HDAC9: variants seen among roughly 807,000 people sequenced by gnomAD.
The protein encoded by HDAC9 is MEF-2 interacting transcription repressor (MITR) protein.
Under a neutral mutation model 139.4 loss-of-function variants are expected in HDAC9, and 41 were observed. The ratio of observed to expected loss-of-function variants is 0.29; its 90% CI spans 0.23 to 0.38. HDAC9 has a LOEUF of 0.38. HDAC9 is among the 10% of genes least tolerant of loss of function. The probability of loss-of-function intolerance (pLI) is 1.00; values close to 1 mark genes in which losing one functional copy is unlikely to be tolerated. For missense variants in HDAC9, 1,147 were observed against 1,297.0 expected (o/e 0.88, Z 1.78); for synonymous variants, 517 against 476.2 (o/e 1.09, Z -1.12).
At chr7:18,786,022 G>A (rs780612638) in intron 16 of HDAC9, among the ~76,000 whole-genome samples, 1 of 152,062 alleles carries the variant, frequency 6.6e-6, no homozygotes, top group Non-Finnish European at 1.5e-5. Flanking sequence ...ACTTTATAGA[G>A]TAGGGAAGTA....
At chr7:18,890,754 T>C (rs975869757) in intron 22 of HDAC9, among the ~76,000 whole-genome samples, 1 of 152,190 alleles carries the variant, frequency 6.6e-6, no homozygotes, top group Non-Finnish European at 1.5e-5. Context: ...CAGTGTAACA[T>C]AGAAGTATTA....
chr7:18,576,077 A>G (rs1347077483), intron 2 of HDAC9, among the ~76,000 whole-genome samples: 3 of 152,230 alleles, frequency 2.0e-5, no homozygotes, highest in Non-Finnish European at 4.4e-5. Context: ...ATCTAGAGAA[A>G]TGTGTTGGTA....
intron 16 of HDAC9, among the ~76,000 whole-genome samples, chr7:18,779,666 C>T (rs752298611): frequency 1.2e-4 from 18 of 151,978 alleles, no homozygotes; most frequent in Non-Finnish European, 2.5e-4. Flanking sequence ...AAGCAAGGCT[C>T]CCACATGGTA....
At chr7:18,971,636 C>G (rs1199971781) in intron 24 of HDAC9, among the ~76,000 whole-genome samples, 1 of 152,158 alleles carries the variant, frequency 6.6e-6, no homozygotes, top group African/African-American at 2.4e-5. Context: ...AATTATTCTC[C>G]TCTATGAATA....
At chr7:18,343,503 G>A (rs2128664355) in intron 1 of HDAC9, among the ~76,000 whole-genome samples, 1 of 151,920 alleles carries the variant, frequency 6.6e-6, no homozygotes, top group Admixed American at 6.6e-5. Flanking sequence ...TGTATGGTGT[G>A]TTCAGCTCTG....
intron 1 of HDAC9, among the ~76,000 whole-genome samples, chr7:18,425,198 G>A (rs983762138): frequency 6.6e-6 from 1 of 152,274 alleles, no homozygotes; most frequent in African/African-American, 2.4e-5. Context: ...TTGTGTCCAA[G>A]TAGATTTTAA....
intron 25 of HDAC9, among the ~76,000 whole-genome samples, chr7:18,978,418 G>A (rs1032739729): frequency 6.6e-6 from 1 of 152,140 alleles, no homozygotes; most frequent in African/African-American, 2.4e-5. Flanking sequence ...ACAACACAGT[G>A]CAGATAGTCA....
At chr7:18,863,947 T>C (rs77748448) in intron 21 of HDAC9, among the ~76,000 whole-genome samples, 2 of 152,166 alleles carry the variant, frequency 1.3e-5, no homozygotes, top group African/African-American at 4.8e-5. Flanking sequence ...AGTACAAATA[T>C]CTCTTTGAGA....
intron 8 of HDAC9, 95 bp downstream of exon 8, chr7:18,634,837 AATG>A: frequency 1.4e-6 from 1 of 734,694 alleles, no homozygotes; most frequent in Non-Finnish European, 2.3e-6. Flanking sequence ...TCAATATCCA[AATG>A]ATATTTATGA....
At chr7:18,556,313 C>A (rs1818787669) in intron 2 of HDAC9, among the ~76,000 whole-genome samples, 1 of 151,978 alleles carries the variant, frequency 6.6e-6, no homozygotes, top group Admixed American at 6.5e-5. Context: ...AGGTGAGTTC[C>A]TTAATATTAC....
intron 11 of HDAC9, among the ~76,000 whole-genome samples, chr7:18,653,174 G>T (rs566436292): frequency 1.4e-5 from 2 of 147,524 alleles, no homozygotes; most frequent in Non-Finnish European, 3.0e-5. Context: ...GGAGGCAGAG[G>T]TTGCAGTGAG....
At chr7:18,586,051 T>A (rs1829379396) in intron 3 of HDAC9, among the ~76,000 whole-genome samples, 1 of 152,166 alleles carries the variant, frequency 6.6e-6, no homozygotes, top group African/African-American at 2.4e-5. Context: ...AATAAAAAGC[T>A]TAAGGGAGTT....
intron 22 of HDAC9, among the ~76,000 whole-genome samples, chr7:18,891,106 C>T (rs879470068): frequency 5.3e-5 from 8 of 152,170 alleles, no homozygotes; most frequent in Non-Finnish European, 1.2e-4. Flanking sequence ...TTTGTTTGCA[C>T]TTTTCTGGAT....
intron 2 of HDAC9, among the ~76,000 whole-genome samples, chr7:18,265,908 A>G (rs756688813): frequency 2.0e-5 from 3 of 152,200 alleles, no homozygotes; most frequent in African/African-American, 7.2e-5. Flanking sequence ...GCAGACAATT[A>G]TGGAGATTAT....
chr7:18,301,436 AT>A (rs954435430), intron 1 of HDAC9, among the ~76,000 whole-genome samples: 16 of 151,544 alleles, frequency 1.1e-4, no homozygotes, highest in South Asian at 4.2e-4. Flanking sequence ...TACATTATAG[AT>A]TTTTTTTTAT....
At chr7:18,531,730 C>G (rs1230816213) in intron 2 of HDAC9, among the ~76,000 whole-genome samples, 2 of 152,016 alleles carry the variant, frequency 1.3e-5, no homozygotes, top group Non-Finnish European at 2.9e-5. Context: ...AGTTCGGCCT[C>G]TAATGTGCTT....
Position 18,705,314 on chromosome 7 carries a change from G to T in HDAC9, c.1732-22266G>T, listed in dbSNP as rs540705537. On this transcript the variant is annotated intron_variant, in intron 12 of 25. Transcript: ENST00000686413. Reference sequence around the variant, plus strand: ...CCTGACTCCTCCTTACTAAGTGCTAGTAACACCCTTCTTCCCTACCTCACA... The same window carrying T: ...CCTGACTCCTCCTTACTAAGTGCTATTAACACCCTTCTTCCCTACCTCACA... Among the ~76,000 whole-genome samples the T allele has an allele frequency of 3.2e-4, 48 of 152,248 alleles. No individual in the cohort carries two copies. In the Middle Eastern group the frequency reaches 0.01, roughly 32 times the overall value.
intron 1 of HDAC9, among the ~76,000 whole-genome samples, chr7:18,389,588 G>C (rs1786264926): frequency 6.6e-6 from 1 of 152,160 alleles, no homozygotes; most frequent in African/African-American, 2.4e-5. Flanking sequence ...TAACTGCAAG[G>C]GAGGCTGGGT....
At chr7:18,255,026 T>C (rs904497423) in intron 2 of HDAC9, among the ~76,000 whole-genome samples, 1 of 152,236 alleles carries the variant, frequency 6.6e-6, no homozygotes, top group Non-Finnish European at 1.5e-5. Context: ...TAAAAGTGAC[T>C]TGTTTCATAA....
Sources: gnomAD v4.1 joint callset for allele counts (sites outside exome capture counted in the v4.1 genomes callset) on GRCh38, gnomAD v4.1.1 for gene constraint, MANE v1.5 for transcripts, NCBI Gene and HGNC (gene_info 2026-07-23, HGNC 2026-07-21) for gene names.